MYO3B: variants seen among roughly 807,000 people sequenced by gnomAD.
MYO3B encodes the protein myosin-IIIb.
MYO3B carries 156 observed loss-of-function variants against 174.6 expected under a neutral mutation model. The ratio of observed to expected loss-of-function variants is 0.89; its 90% CI spans 0.78 to 1.02. MYO3B has a LOEUF of 1.02. MYO3B is among the 50% of genes least tolerant of loss of function. The pLI is 0.00. For synonymous variants in MYO3B, 563 were observed against 569.1 expected (o/e 0.99, Z 0.15); for missense variants, 1,632 against 1,639.4 (o/e 1.00, Z 0.08).
chr2:170,433,049 A>G (rs1484905442), intron 22 of MYO3B, among the ~76,000 whole-genome samples: 2 of 152,138 alleles, frequency 1.3e-5, no homozygotes, highest in African/African-American at 4.8e-5. Flanking sequence ...AGCAACTTCT[A>G]GTCCCTGCAA....
chr2:170,442,826 A>G (rs943356935), intron 22 of MYO3B, among the ~76,000 whole-genome samples: 1 of 152,220 alleles, frequency 6.6e-6, no homozygotes, highest in Non-Finnish European at 1.5e-5. Flanking sequence ...TACAAAGGAC[A>G]TGAACTCATC....
At chr2:170,530,833 G>A (rs894198189) in intron 30 of MYO3B, among the ~76,000 whole-genome samples, 1 of 152,152 alleles carries the variant, frequency 6.6e-6, no homozygotes, top group African/African-American at 2.4e-5. Context: ...TGTGGTGAAG[G>A]TGGAAGGGGC....
At chr2:170,458,140 T>C (rs370883509) in intron 23 of MYO3B, among the ~76,000 whole-genome samples, 4 of 152,344 alleles carry the variant, frequency 2.6e-5, no homozygotes, top group African/African-American at 7.2e-5. Context: ...CTGTACATTA[T>C]TGTACATGCT....
chr2:170,581,001 T>C (rs774894172), intron 32 of MYO3B, among the ~76,000 whole-genome samples: 9 of 152,168 alleles, frequency 5.9e-5, no homozygotes, highest in Admixed American at 6.5e-5. Flanking sequence ...TATCTCTTCA[T>C]GTAGAAGCAC....
In MYO3B at chr2:170,395,449, G is replaced by A. The variant is rs139370103; in HGVS notation, c.1791+2954G>A. On this transcript the variant is annotated intron_variant, in intron 16 of 34. Transcript: ENST00000408978. Reference sequence around the variant, plus strand: ...TACACTATAGATCCCTGTTGGAGAGGTTAGGGAGAAGCCTTTGAGATCGGC... The same window carrying A: ...TACACTATAGATCCCTGTTGGAGAGATTAGGGAGAAGCCTTTGAGATCGGC... Among the ~76,000 whole-genome samples the A allele has an allele frequency of 2.0e-3, 305 of 152,268 alleles. 2 individuals carry two copies. Among genetic ancestry groups the A allele is most frequent in the African/African-American group, 6.9e-3 (285 of 41,562 alleles).
intron 25 of MYO3B, among the ~76,000 whole-genome samples, chr2:170,475,833 A>G (rs1160686392): frequency 6.6e-6 from 1 of 152,234 alleles, no homozygotes; most frequent in Non-Finnish European, 1.5e-5. Context: ...CTTGGACATT[A>G]ACTTGCCATG....
intron 3 of MYO3B, among the ~76,000 whole-genome samples, chr2:170,210,721 A>T (rs549719918): frequency 6.6e-6 from 1 of 152,236 alleles, no homozygotes; most frequent in Non-Finnish European, 1.5e-5. Context: ...ATTTGACAAC[A>T]TCTGCATTTT....
At chr2:170,530,010 AC>A (rs746159798) in intron 30 of MYO3B, among the ~76,000 whole-genome samples, 22 of 152,344 alleles carry the variant, frequency 1.4e-4, no homozygotes, top group Non-Finnish European at 3.1e-4. Context: ...TATATTTTCC[AC>A]TAGCATCGCC....
At chr2:170,217,427 A>T (rs1299727730) in intron 6 of MYO3B, 32 bp downstream of exon 6, 2 of 1,571,766 alleles carry the variant, frequency 1.3e-6, no homozygotes, top group Admixed American at 1.7e-5. Context: ...CTTTCTTTGC[A>T]CTTGTTGAAT....
chr2:170,650,700 T>TTTTTTTTG (rs886458096), intron 32 of MYO3B, among the ~76,000 whole-genome samples: 1 of 115,772 alleles, frequency 8.6e-6, no homozygotes, highest in Admixed American at 9.4e-5. Context: ...TTTTTTTTTT[T>TTTTTTTTG]TGAGATGGAG....
intron 32 of MYO3B, among the ~76,000 whole-genome samples, chr2:170,588,435 G>T (rs1240748048): frequency 2.0e-5 from 3 of 152,010 alleles, no homozygotes; most frequent in African/African-American, 7.2e-5. Context: ...CAAGACCCTG[G>T]CTCAAAAAAA....
intron 19 of MYO3B, 58 bp downstream of exon 19, chr2:170,403,053 C>G: frequency 6.7e-7 from 1 of 1,498,926 alleles, no homozygotes; most frequent in Non-Finnish European, 9.1e-7. Flanking sequence ...TCCAAGCTGC[C>G]CACAATTTGT....
intron 23 of MYO3B, among the ~76,000 whole-genome samples, chr2:170,455,804 G>A (rs1683874089): frequency 6.6e-6 from 1 of 152,186 alleles, no homozygotes; most frequent in African/African-American, 2.4e-5. Flanking sequence ...CAAACAGGAT[G>A]TTTATCATGT....
At chr2:170,305,683 A>C (rs1361740736) in intron 7 of MYO3B, among the ~76,000 whole-genome samples, 2 of 152,184 alleles carry the variant, frequency 1.3e-5, no homozygotes. Flanking sequence ...TTATTGCTGC[A>C]TGATAGACTA....
At chr2:170,465,542 A>T (rs900165967) in intron 24 of MYO3B, among the ~76,000 whole-genome samples, 2 of 152,164 alleles carry the variant, frequency 1.3e-5, no homozygotes, top group Admixed American at 6.5e-5. Context: ...CATCCAAACC[A>T]TATCATCCTC....
intron 12 of MYO3B, among the ~76,000 whole-genome samples, chr2:170,385,594 G>A (rs1250333834): frequency 4.6e-5 from 7 of 152,084 alleles, no homozygotes; most frequent in Admixed American, 4.6e-4. Flanking sequence ...AATAAAAAAT[G>A]GGCAAACAAT....
intron 32 of MYO3B, chr2:170,644,533 C>T (rs1394865390): frequency 1.3e-5 from 2 of 152,310 alleles, no homozygotes; most frequent in Non-Finnish European, 2.9e-5. Context: ...GCCATCAGCC[C>T]ACCTCGGCCT....
intron 7 of MYO3B, among the ~76,000 whole-genome samples, chr2:170,287,105 C>T (rs1044547530): frequency 6.6e-6 from 1 of 152,130 alleles, no homozygotes; most frequent in Non-Finnish European, 1.5e-5. Context: ...ATGTCTACCA[C>T]ATTTTCTTTA....
rs1012147794 is a variant in MYO3B, at chr2:170,594,820, AGCGC to A, written c.3733+50837_3733+50840del. Among the ~76,000 whole-genome samples the A allele has an allele frequency of 4.6e-5, 6 of 129,284 alleles. No individual in the cohort carries two copies. The East Asian group carries it at 1.5e-3, about 32-fold the overall frequency. The allele number at this position is 129,284 out of a possible 152,430, so 84.8% of individuals were successfully genotyped here. On this transcript the variant is annotated intron_variant, in intron 32 of 34. Coordinates refer to ENST00000408978, the MANE Select transcript of MYO3B (RefSeq NM_138995.5). ...GCCCAATGAGTATGCACTCTTTCCC[AGCGC>A]GCGCACACACACACACACACACACA...
Sources: allele counts gnomAD v4.1 joint callset (sites outside exome capture counted in the v4.1 genomes callset), GRCh38; gene constraint gnomAD v4.1.1; transcripts MANE v1.5; gene names NCBI Gene and HGNC (gene_info 2026-07-23, HGNC 2026-07-21).